The following ROR1 variants were observed in gnomAD, a reference collection of about 807,000 sequenced individuals.
The protein encoded by ROR1 is inactive tyrosine-protein kinase transmembrane receptor ROR1.
A neutral mutation model predicts 78.8 loss-of-function variants in ROR1; 19 were observed. The observed-to-expected ratio is 0.24, with a 90% CI of 0.17 to 0.35. The LOEUF (loss-of-function observed/expected upper bound fraction) is 0.35, where lower values mean the gene tolerates loss of function less well. Ranked by LOEUF, ROR1 falls within the 10% of genes least tolerant of loss-of-function variation. The pLI is 1.00. For synonymous variants in ROR1, 386 were observed against 433.6 expected, an observed-to-expected ratio of 0.89 and a Z score of 1.36; for missense variants, 917 against 1,177.8, an observed-to-expected ratio of 0.78 and a Z score of 3.24.
intron 4 of ROR1, among the ~76,000 whole-genome samples, chr1:64,134,748 CTTT>C (rs58315931): frequency 0.011 from 1,477 of 131,552 alleles, 21 homozygotes; most frequent in African/African-American, 0.04. Context: ...TTCTTTCATT[CTTT>C]TTTTTTTTTT....
rs373629549 is a variant in ROR1, at chr1:64,027,657, A to T, written c.163+18281A>T. ...TGCTATCATTTTGCATGCTCATAAC[A>T]TCCCAACTTTGTGTATGATATTAAT... is the stretch of plus-strand genomic sequence containing the variant. On this transcript the variant is annotated intron_variant, in intron 2 of 8. Coordinates refer to ENST00000371079, the MANE Select transcript of ROR1 (RefSeq NM_005012.4). Among the ~76,000 whole-genome samples, 24 of 150,972 alleles carry T rather than the reference A, an allele frequency of 1.6e-4. 1 individual carries two copies. Among genetic ancestry groups the T allele is most frequent in the African/African-American group, 4.6e-4 (19 of 41,138 alleles).
At chr1:63,911,290 A>G (rs1386603021) in intron 1 of ROR1, among the ~76,000 whole-genome samples, 1 of 151,992 alleles carries the variant, frequency 6.6e-6, no homozygotes, top group East Asian at 1.9e-4. Flanking sequence ...ACCACCTCTT[A>G]CAGTTGTTGT....
intron 4 of ROR1, among the ~76,000 whole-genome samples, chr1:64,103,794 T>TA (rs35139291): frequency 2.8e-4 from 41 of 147,596 alleles, no homozygotes; most frequent in Admixed American, 3.4e-4. Context: ...CACTTCACCT[T>TA]AAAAAAAAAA....
chr1:64,062,282 TGTG>T (rs1391082035), intron 4 of ROR1, among the ~76,000 whole-genome samples: 1 of 152,150 alleles, frequency 6.6e-6, no homozygotes, highest in Non-Finnish European at 1.5e-5. Flanking sequence ...AATGTCTTCA[TGTG>T]GGTGTTTTTT....
chr1:64,040,837 A>G (rs1158739331), intron 2 of ROR1, among the ~76,000 whole-genome samples: 3 of 152,224 alleles, frequency 2.0e-5, no homozygotes, highest in Non-Finnish European at 4.4e-5. Context: ...GGGGGCCACA[A>G]ACATTCAGAC....
chr1:63,788,318 C>T (rs536952116), intron 1 of ROR1, among the ~76,000 whole-genome samples: 1 of 152,240 alleles, frequency 6.6e-6, no homozygotes, highest in South Asian at 2.1e-4. Flanking sequence ...ATTATCCTAC[C>T]ATTCAGAGAT....
At chr1:64,126,600 G>C (rs1648721885) in intron 4 of ROR1, among the ~76,000 whole-genome samples, 1 of 152,146 alleles carries the variant, frequency 6.6e-6, no homozygotes, top group South Asian at 2.1e-4. Flanking sequence ...GAGTAAGTGA[G>C]GACAAAGAAG....
intron 1 of ROR1, among the ~76,000 whole-genome samples, chr1:63,994,354 A>G (rs1204379854): frequency 6.6e-6 from 1 of 152,176 alleles, no homozygotes; most frequent in Non-Finnish European, 1.5e-5. Flanking sequence ...GAATTTTTGC[A>G]ATCAGACCTC....
At chr1:63,799,998 T>G (rs1016582482) in intron 1 of ROR1, among the ~76,000 whole-genome samples, 2 of 152,208 alleles carry the variant, frequency 1.3e-5, no homozygotes, top group Non-Finnish European at 2.9e-5. Flanking sequence ...AATGCTTAAT[T>G]AAAAGCAGGA....
At position 63,799,615 on chromosome 1, in the gene ROR1, G is replaced by GA. The variant is rs1016222282; in HGVS notation, c.91+25115dup. Among the ~76,000 whole-genome samples the GA allele has an allele frequency of 9.4e-5, 14 of 148,838 alleles. No individual in the cohort carries two copies. In the East Asian group the frequency reaches 2.1e-3, roughly 23 times the overall value. ...GGTTTTGCATTTGACTCAGGAAGAG[G>GA]AAAAAAAACACCCATTTTTCCTCTC... On this transcript the variant is annotated intron_variant, in intron 1 of 8. Coordinates refer to ENST00000371079, the MANE Select transcript of ROR1 (RefSeq NM_005012.4).
chr1:64,046,831 C>T (rs1646788869), intron 2 of ROR1, among the ~76,000 whole-genome samples: 1 of 152,230 alleles, frequency 6.6e-6, no homozygotes, highest in Non-Finnish European at 1.5e-5. Context: ...GACCTCAGTT[C>T]TGCCACAAGG....
chr1:64,142,448 C>T lies in ROR1; in HGVS notation c.972C>T (p.Thr324=), dbSNP rs141665064. ...GCACAGGTGTGGACTACCGGGGGAC[C>T]GTCAGTGTGACCAAATCAGGGCGCC... ...YNSTGVDYRG[T]VSVTKSGRQC... is the part of the protein sequence containing the mutation. Residue 324 remains threonine (T), a synonymous_variant, in exon 7 of 9, where the codon ACC becomes ACT. Coordinates refer to ENST00000371079, the MANE Select transcript of ROR1 (RefSeq NM_005012.4). The T allele has an allele frequency of 9.9e-6, 16 of 1,613,988 alleles. No homozygotes were observed. The African/African-American group carries it at 1.7e-4, about 18-fold the overall frequency.
intron 1 of ROR1, among the ~76,000 whole-genome samples, chr1:63,810,598 C>G (rs1040357832): frequency 6.6e-6 from 1 of 152,128 alleles, no homozygotes; most frequent in African/African-American, 2.4e-5. Context: ...ATTAGAGAAG[C>G]CTTCACAGAA....
At chr1:63,823,062 T>C (rs1021967069) in intron 1 of ROR1, among the ~76,000 whole-genome samples, 1 of 152,172 alleles carries the variant, frequency 6.6e-6, no homozygotes, top group Admixed American at 6.5e-5. Flanking sequence ...AAAAAGGGAA[T>C]ATTATTGTTA....
At chr1:64,020,806 C>T (rs978469219) in intron 2 of ROR1, among the ~76,000 whole-genome samples, 4 of 152,202 alleles carry the variant, frequency 2.6e-5, no homozygotes, top group Non-Finnish European at 5.9e-5. Flanking sequence ...CTCTGCAACC[C>T]GTTGCAGACA....
intron 2 of ROR1, among the ~76,000 whole-genome samples, chr1:64,032,709 AG>A (rs1223413940): frequency 1.3e-5 from 2 of 152,176 alleles, no homozygotes; most frequent in Non-Finnish European, 2.9e-5. Flanking sequence ...GGATGCTATC[AG>A]GGAAGTGTAT....
At chr1:63,905,219 G>C (rs896140820) in intron 1 of ROR1, among the ~76,000 whole-genome samples, 2 of 152,156 alleles carry the variant, frequency 1.3e-5, no homozygotes, top group African/African-American at 4.8e-5. Flanking sequence ...AGTTGAACTA[G>C]GAATCTCTGA....
At chr1:63,894,811 G>A (rs990844267) in intron 1 of ROR1, among the ~76,000 whole-genome samples, 1 of 152,110 alleles carries the variant, frequency 6.6e-6, no homozygotes, top group African/African-American at 2.4e-5. Context: ...CATTTGAGTT[G>A]GCCATTAGGT....
At chr1:63,921,077 T>C (rs1645650735) in intron 1 of ROR1, among the ~76,000 whole-genome samples, 1 of 152,200 alleles carries the variant, frequency 6.6e-6, no homozygotes. Flanking sequence ...GTTCTAAAAA[T>C]GTTTATGTAG....
Sources: gnomAD v4.1 joint callset for allele counts (sites outside exome capture counted in the v4.1 genomes callset) on GRCh38, gnomAD v4.1.1 for gene constraint, MANE v1.5 for transcripts, NCBI Gene and HGNC (gene_info 2026-07-23, HGNC 2026-07-21) for gene names.